PTBP1: variants seen among roughly 807,000 people sequenced by gnomAD.
PTBP1 encodes polypyrimidine tract binding protein 1.
PTBP1 carries 8 observed loss-of-function variants against 59.8 expected under a neutral mutation model. That is an observed-to-expected ratio of 0.13 (90% CI 0.08 to 0.24). The LOEUF is 0.24. Ranked by LOEUF, PTBP1 falls within the 10% of genes least tolerant of loss-of-function variation. The pLI, the probability that PTBP1 is intolerant of heterozygous loss-of-function variation, is 1.00. For missense variants in PTBP1, 686 were observed against 767.0 expected, an observed-to-expected ratio of 0.89 and a Z score of 1.25; for synonymous variants, 490 against 320.7, an observed-to-expected ratio of 1.53 and a Z score of -5.64.
chr19:810,979 T>A lies in PTBP1; in HGVS notation c.*153T>A. ...TACCTGTTTTTAAAAAAATTAAATC[T>A]AGTTCACCTTGCTCACCCTGCGGTG... On this transcript the variant is annotated 3_prime_UTR_variant, in exon 15 of 15. Coordinates refer to ENST00000356948, the MANE Select transcript of PTBP1 (RefSeq NM_002819.5). The A allele has an allele frequency of 1.2e-6, 1 of 813,282 alleles. No homozygotes were observed. Among genetic ancestry groups the A allele is most frequent in the Non-Finnish European group, 1.8e-6 (1 of 561,002 alleles). 50.4% of individuals were successfully genotyped at this position (813,282 alleles called of 1,614,324 possible). A position where few individuals can be genotyped will look rare whatever the true frequency, so the allele number is the denominator to read the frequency against.
intron 2 of PTBP1, among the ~76,000 whole-genome samples, chr19:801,381 C>T (rs736926): frequency 0.16 from 23,705 of 152,302 alleles, 2,100 homozygotes; most frequent in South Asian, 0.23. Context: ...GCCGCCTGGG[C>T]AGGCATGGAG....
At position 808,600 on chromosome 19, in the gene PTBP1, T is replaced by G. The variant is rs1488620282; in HGVS notation, c.1301T>G (p.Leu434Arg). The change falls in exon 13 of 15, where the codon CTC becomes CGC. Residue 434 changes from leucine (L) to arginine (R), a missense_variant. Transcript: ENST00000356948. This position sits in a 1 kb window ranked among gnomAD's most constrained non-coding sequence, Gnocchi z 4.7. ...KLHGKPIRIT[L>R]SKHQNVQLPR... ...CACGGGAAGCCCATCCGCATCACGC[T>G]CTCGAAGCACCAGAACGTGCAGCTG... The G allele has an allele frequency of 1.9e-6, 3 of 1,608,456 alleles. No homozygotes were observed. The highest frequency in any genetic ancestry group is 2.5e-6 in the Non-Finnish European group (3 of 1,178,798).
In PTBP1 at chr19:804,720, C is replaced by G; in HGVS notation, c.606+18C>G. The G allele has an allele frequency of 6.2e-7, 1 of 1,610,298 alleles. No individual in the cohort carries two copies. The highest frequency in any genetic ancestry group is 8.5e-7 in the Non-Finnish European group (1 of 1,177,342). Reference sequence around the variant, plus strand: ...TGCACCAGGTGAGGTGGTCCCATCACCGCCAGGGCAGGTCGGCTGCTATTG... The same window carrying G: ...TGCACCAGGTGAGGTGGTCCCATCAGCGCCAGGGCAGGTCGGCTGCTATTG... On this transcript the variant is annotated intron_variant, in intron 6 of 14. Transcript: ENST00000356948.
At position 810,869 on chromosome 19, in the gene PTBP1, A is replaced by G; in HGVS notation, c.*43A>G. 2.0e-6 allele frequency: 3 copies of G among 1,492,070 alleles called. No individual in the cohort carries two copies. The highest frequency in any genetic ancestry group is 5.1e-5 in the Admixed American group (2 of 39,222). 92.4% of individuals were successfully genotyped at this position (1,492,070 alleles called of 1,614,324 possible). On this transcript the variant is annotated 3_prime_UTR_variant, in exon 15 of 15. Transcript: ENST00000356948. ...GCCGGGCCCCCTGGCGACAACTTCCATCATTCCAGAGAAAAGCCACTTTAA... is the reference window on the plus strand; with the variant it reads ...GCCGGGCCCCCTGGCGACAACTTCCGTCATTCCAGAGAAAAGCCACTTTAA...
chr19:807,718 C>T (rs2034648000), intron 10 of PTBP1, 151 bp from the exon 11 acceptor site: 2 of 642,644 alleles, frequency 3.1e-6, no homozygotes, highest in South Asian at 4.0e-5. Flanking sequence ...CCAACCTGCC[C>T]TTGAATATTA....
intron 8 of PTBP1, 46 bp from the exon 9 acceptor site, chr19:805,446 C>G (rs745654530): frequency 1.3e-6 from 2 of 1,549,178 alleles, no homozygotes; most frequent in Non-Finnish European, 1.8e-6. Context: ...CGCCCGCTCG[C>G]GGTGGAGGTT....
At position 804,735 on chromosome 19, in the gene PTBP1, G is replaced by A. The variant is rs1462092888; in HGVS notation, c.606+33G>A. 6.2e-6 allele frequency: 10 copies of A among 1,609,576 alleles called. No individual in the cohort carries two copies. The highest frequency in any genetic ancestry group is 1.7e-5 in the Admixed American group (1 of 59,880). ...GGTCCCATCACCGCCAGGGCAGGTC[G>A]GCTGCTATTGCTGTGGGCACAGGCA... On this transcript the variant is annotated intron_variant, in intron 6 of 14. Transcript: ENST00000356948.
Position 806,497 on chromosome 19 carries a change from A to G in PTBP1, c.1060A>G (p.Ile354Val). The change falls in exon 10 of 15, where the codon ATC (isoleucine) becomes GTC (valine). Residue 354 changes from isoleucine to valine, a missense_variant. Ile to Val is a conservative substitution (Grantham distance 29). Coordinates refer to ENST00000356948, the MANE Select transcript of PTBP1 (RefSeq NM_002819.5). ...AGCTGCGGCGGCAGGTCGGATCGCC[A>G]TCCCGGGCCTGGCGGGGGCAGGAAA... ...AAAAAAGRIA[I>V]PGLAGAGNSV... 1.3e-6 allele frequency: 2 copies of G among 1,578,950 alleles called. No individual in the cohort carries two copies. The highest frequency in any genetic ancestry group is 1.7e-6 in the Non-Finnish European group (2 of 1,165,164).
chr19:804,603 G>A lies in PTBP1; in HGVS notation c.507G>A (p.Ala169=), dbSNP rs148588434. The change falls in exon 6 of 15, where the codon GCG becomes GCA. Residue 169 remains alanine (A), a synonymous_variant. Transcript: ENST00000356948. The part of the protein sequence containing the change: ...SGNLALAASA[A]AVDAGMAMAG... ...ACCTGGCCTTGGCTGCCTCGGCGGC[G>A]GCCGTGGACGCAGGGATGGCGATGG... The A allele has an allele frequency of 1.4e-4, 224 of 1,611,972 alleles. 1 individual carries two copies. The highest frequency in any genetic ancestry group is 1.1e-3 in the East Asian group (49 of 44,884).
At chr19:797,545 C>T (rs1214994268) in intron 1 of PTBP1, 40 bp downstream of exon 1, 2 of 1,447,980 alleles carry the variant, frequency 1.4e-6, no homozygotes, top group Non-Finnish European at 1.8e-6. Context: ...GCCCTCCCCG[C>T]GCCGCAGCCC....
intron 2 of PTBP1, among the ~76,000 whole-genome samples, chr19:800,183 C>G (rs1288208306): frequency 6.6e-6 from 1 of 151,390 alleles, no homozygotes; most frequent in Non-Finnish European, 1.5e-5. Flanking sequence ...ATGCACCCCC[C>G]TTGGCCTCCC....
chr19:809,157 C>G (rs2034727902), intron 13 of PTBP1, among the ~76,000 whole-genome samples: 2 of 151,674 alleles, frequency 1.3e-5, no homozygotes, highest in African/African-American at 4.8e-5. Flanking sequence ...TGTAGGCACC[C>G]ACAACCACAC....
intron 2 of PTBP1, among the ~76,000 whole-genome samples, chr19:799,893 C>T (rs954347313): frequency 1.3e-5 from 2 of 152,090 alleles, no homozygotes; most frequent in African/African-American, 2.4e-5. Context: ...TGGGCATTTA[C>T]TGGTTGATTT....
chr19:799,130 C>T lies in PTBP1; in HGVS notation c.9-283C>T, dbSNP rs746155217. 2.6e-5 allele frequency among the ~76,000 whole-genome samples: 4 copies of T among 152,240 alleles called. No homozygotes were observed. The South Asian group carries it at 6.2e-4, about 24-fold the overall frequency. On this transcript the variant is annotated intron_variant, in intron 1 of 14. Coordinates refer to ENST00000356948, the MANE Select transcript of PTBP1 (RefSeq NM_002819.5). Reference sequence around the variant, plus strand: ...GGGCTTCCGATGGGGGTGTCTTTGTCTTGGAACGTGTGGGGCCTGGTCCAG... The same window carrying T: ...GGGCTTCCGATGGGGGTGTCTTTGTTTTGGAACGTGTGGGGCCTGGTCCAG...
chr19:801,492 G>A (rs1056584050), intron 2 of PTBP1, among the ~76,000 whole-genome samples: 8 of 152,220 alleles, frequency 5.3e-5, no homozygotes, highest in African/African-American at 1.4e-4. Context: ...CAGAGGAAGC[G>A]GCCCCGCCCA....
intron 2 of PTBP1, among the ~76,000 whole-genome samples, chr19:802,892 A>G (rs1599224153): frequency 6.6e-6 from 1 of 152,192 alleles, no homozygotes; most frequent in South Asian, 2.1e-4. Flanking sequence ...ACAGGTCAGA[A>G]GTGATGGAGC....
Position 808,566 on chromosome 19 carries a change from C to A in PTBP1, c.1267C>A (p.His423Asn). ...CCCAGCCATGAGCCACCTGAACGGG[C>A]ACAAGCTGCACGGGAAGCCCATCCG... is the stretch of plus-strand genomic sequence containing the variant. ...AQLAMSHLNG[H>N]KLHGKPIRIT... The change falls in exon 13 of 15, where the codon CAC becomes AAC. Residue 423 changes from histidine (H) to asparagine (N), a missense_variant. By Grantham distance (68) the His-to-Asn change is moderately conservative (BLOSUM62 1). Transcript: ENST00000356948. The surrounding 1 kb of genome is among the most constrained non-coding windows in gnomAD (Gnocchi z 4.7). 6.3e-7 allele frequency: 1 copy of A among 1,598,380 alleles called. No homozygotes were observed. Among genetic ancestry groups the A allele is most frequent in the Non-Finnish European group, 8.5e-7 (1 of 1,174,432 alleles).
chr19:798,074 G>T (rs1387166094), intron 1 of PTBP1, among the ~76,000 whole-genome samples: 2 of 151,664 alleles, frequency 1.3e-5, no homozygotes, highest in Admixed American at 6.6e-5. Flanking sequence ...CCGCGGGCCC[G>T]AGTCTCTGCG....
At chr19:806,610 A>G in intron 10 of PTBP1, 54 bp downstream of exon 10, 1 of 1,440,790 alleles carries the variant, frequency 6.9e-7, no homozygotes, top group Non-Finnish European at 9.1e-7. Context: ...CGAGCAGGGG[A>G]TGTTGTGCTC....
Sources: gnomAD v4.1 joint callset for allele counts (sites outside exome capture counted in the v4.1 genomes callset) on GRCh38, gnomAD v4.1.1 for gene constraint, Gnocchi (gnomAD v3.1) non-coding constraint, MANE v1.5 for transcripts, NCBI Gene and HGNC (gene_info 2026-07-23, HGNC 2026-07-21) for gene names.